The following TENT4A variants were observed in gnomAD, a reference collection of about 807,000 sequenced individuals.
TENT4A encodes the protein terminal nucleotidyltransferase 4A, also known as DNA polymerase kappa.
TENT4A carries 7 observed loss-of-function variants against 72.8 expected under a neutral mutation model. That is an observed-to-expected ratio of 0.10 (90% CI 0.05 to 0.18). The LOEUF is 0.18. Among genes scored for constraint, TENT4A ranks in the 10% least tolerant of loss-of-function variants. TENT4A has a pLI of 1.00. For missense variants in TENT4A, 831 were observed against 1,017.7 expected, an observed-to-expected ratio of 0.82 and a Z score of 2.50; for synonymous variants, 456 against 434.3, an observed-to-expected ratio of 1.05 and a Z score of -0.62.
chr5:6,718,513 G>C (rs1740494195), intron 1 of TENT4A, among the ~76,000 whole-genome samples: 1 of 152,220 alleles, frequency 6.6e-6, no homozygotes, highest in African/African-American at 2.4e-5. Context: ...CTTAAAGGGT[G>C]GCGGTGGCAC....
rs1460859880 is a variant in TENT4A, at chr5:6,714,147, G to T, written c.164G>T (p.Gly55Val). Residue 55 changes from glycine to valine, a missense_variant, in exon 1 of 13, where the codon GGG becomes GTG. Gly to Val is a moderately radical substitution (Grantham distance 109). This residue lies in a region of TENT4A where 302 missense variants were observed against 293.8 expected (regional missense o/e 1.03). Coordinates refer to ENST00000230859, the MANE Select transcript of TENT4A (RefSeq NM_006999.6). Reference sequence around the variant, plus strand: ...GCGCTGGACACGGCGGCCGCGGCGGGGGCGGCCGGGCGGGGCAGTGGCGGC... The same window carrying T: ...GCGCTGGACACGGCGGCCGCGGCGGTGGCGGCCGGGCGGGGCAGTGGCGGC... ...SPALDTAAAA[G>V]AAGRGSGGLG... 6.4e-5 allele frequency: 62 copies of T among 976,094 alleles called. No individual in the cohort carries two copies. Among genetic ancestry groups the T allele is most frequent in the Non-Finnish European group, 7.0e-5 (58 of 826,182 alleles). The allele number at this position is 976,094 out of a possible 1,614,324, so 60.5% of individuals were successfully genotyped here.
At chr5:6,721,842 C>T (rs1035405990) in intron 1 of TENT4A, among the ~76,000 whole-genome samples, 1 of 152,184 alleles carries the variant, frequency 6.6e-6, no homozygotes, top group African/African-American at 2.4e-5. Flanking sequence ...ACCAGTTAGG[C>T]TCTCCTGTGG....
chr5:6,729,748 G>C (rs1429494469), intron 1 of TENT4A, among the ~76,000 whole-genome samples: 1 of 152,222 alleles, frequency 6.6e-6, no homozygotes, highest in Non-Finnish European at 1.5e-5. Context: ...AGTATTAGGA[G>C]ACTGAACCCC....
chr5:6,730,690 A>G (rs1375573629), intron 1 of TENT4A, among the ~76,000 whole-genome samples: 2 of 151,164 alleles, frequency 1.3e-5, no homozygotes, highest in Non-Finnish European at 2.9e-5. Context: ...GCTGACTGGC[A>G]GCCCTAGAAA....
At position 6,750,958 on chromosome 5, in the gene TENT4A, G is replaced by A. The variant is rs191109862; in HGVS notation, c.1861-81G>A. Reference sequence around the variant, plus strand: ...TTTCATAGCCAGCCTGGATGCAGGCGTTTCTTTTCATAGCTTTAAGGAAGT... The same window carrying A: ...TTTCATAGCCAGCCTGGATGCAGGCATTTCTTTTCATAGCTTTAAGGAAGT... On this transcript the variant is annotated intron_variant, in intron 10 of 12. Transcript: ENST00000230859. 4.2e-3 allele frequency: 6,151 copies of A among 1,479,016 alleles called. 17 individuals are homozygous for A. Among genetic ancestry groups the A allele is most frequent in the Non-Finnish European group, 5.2e-3 (5,565 of 1,072,848 alleles). 91.6% of individuals were successfully genotyped at this position (1,479,016 alleles called of 1,614,324 possible). A position where few individuals can be genotyped will look rare whatever the true frequency, so the allele number is the denominator to read the frequency against.
intron 12 of TENT4A, 63 bp from the exon 13 acceptor site, chr5:6,754,688 C>A: frequency 7.3e-7 from 1 of 1,367,502 alleles, no homozygotes; most frequent in South Asian, 1.5e-5. Flanking sequence ...TGGTCACTGC[C>A]CGAGGACGTG....
chr5:6,737,801 C>T (rs1030923768), intron 2 of TENT4A, among the ~76,000 whole-genome samples, 168 bp downstream of exon 2: 134 of 152,344 alleles, frequency 8.8e-4, no homozygotes, highest in African/African-American at 3.1e-3. Context: ...GAATGCATGG[C>T]CCCCGGCGCA....
At chr5:6,715,024 CCCCTTGTCAA>C (rs1354107034) in intron 1 of TENT4A, 1 of 176,706 alleles carries the variant, frequency 5.7e-6, no homozygotes, top group Non-Finnish European at 1.2e-5. Context: ...AAGTGAGGAA[CCCCTTGTCAA>C]AGTGGGGCGT....
intron 1 of TENT4A, among the ~76,000 whole-genome samples, chr5:6,718,869 C>G (rs1258947390): frequency 1.6e-4 from 24 of 151,898 alleles, no homozygotes; most frequent in Admixed American, 1.6e-3. Context: ...ACAGCTGACA[C>G]TTGGAGAAGG....
At chr5:6,731,797 AC>A (rs1185578142) in intron 1 of TENT4A, among the ~76,000 whole-genome samples, 2 of 152,112 alleles carry the variant, frequency 1.3e-5, no homozygotes, top group Non-Finnish European at 2.9e-5. Flanking sequence ...CTGACCTTTG[AC>A]CATCACTTTG....
chr5:6,745,951 G>A, intron 6 of TENT4A: 1 of 1,154,296 alleles, frequency 8.7e-7, no homozygotes, highest in Non-Finnish European at 1.1e-6. Context: ...TCAGATATCT[G>A]TGTTTGCAGG....
intron 7 of TENT4A, among the ~76,000 whole-genome samples, chr5:6,746,679 T>A (rs1164843133): frequency 1.3e-5 from 2 of 152,250 alleles, no homozygotes; most frequent in Non-Finnish European, 2.9e-5. Flanking sequence ...TTTTTCTGAT[T>A]ATTGAAGTAT....
chr5:6,716,860 G>T (rs1020858429), intron 1 of TENT4A, among the ~76,000 whole-genome samples: 2 of 152,220 alleles, frequency 1.3e-5, no homozygotes, highest in Non-Finnish European at 2.9e-5. Context: ...CTTTGCTGGA[G>T]ACCTCTCCTT....
chr5:6,735,512 T>A (rs1741434356), intron 1 of TENT4A, among the ~76,000 whole-genome samples: 1 of 152,184 alleles, frequency 6.6e-6, no homozygotes. Context: ...ACGTGACATA[T>A]CTAGTCCTGC....
Position 6,746,436 on chromosome 5 carries a change from G to T in TENT4A, c.1459+9G>T. On this transcript the variant is annotated intron_variant, in intron 7 of 12. Transcript: ENST00000230859. ...GGACCCCCTGCTGCCAGGTAAGGGC[G>T]CCCTGATCTCCACTGCTGAGAGCTG... is the stretch of plus-strand genomic sequence containing the variant. 4 of 1,613,492 alleles carry T rather than the reference G, an allele frequency of 2.5e-6. No individual in the cohort carries two copies. The South Asian group carries it at 4.4e-5, about 18-fold the overall frequency.
chr5:6,753,233 A>G (rs1579504399), intron 12 of TENT4A, among the ~76,000 whole-genome samples, 196 bp downstream of exon 12: 1 of 152,250 alleles, frequency 6.6e-6, no homozygotes, highest in Non-Finnish European at 1.5e-5. Context: ...TGTAATATAT[A>G]GTTTAATTGG....
At position 6,713,943 on chromosome 5, in the gene TENT4A, G is replaced by GGGGC. The variant is rs1323471275; in HGVS notation, c.-31_-28dup. On this transcript the variant is annotated 5_prime_UTR_variant, in exon 1 of 13. Coordinates refer to ENST00000230859, the MANE Select transcript of TENT4A (RefSeq NM_006999.6). ...GGCGCGGCGGGGGCGGGGCCGCGTC[G>GGGGC]GGGCGGGCGGGCGCGCGGGCCCCGC... 2.0e-4 allele frequency: 175 copies of GGGGC among 878,240 alleles called. No individual in the cohort carries two copies. Among genetic ancestry groups the GGGGC allele is most frequent in the Middle Eastern group, 1.2e-3 (2 of 1,694 alleles). 54.4% of individuals were successfully genotyped at this position (878,240 alleles called of 1,614,324 possible).
chr5:6,728,436 C>T (rs1000345524), intron 1 of TENT4A, among the ~76,000 whole-genome samples: 1 of 152,140 alleles, frequency 6.6e-6, no homozygotes, highest in Non-Finnish European at 1.5e-5. Context: ...GGTTGGGGCA[C>T]TTGGGAGAAC....
At chr5:6,715,764 G>T (rs1257799447) in intron 1 of TENT4A, among the ~76,000 whole-genome samples, 1 of 152,152 alleles carries the variant, frequency 6.6e-6, no homozygotes, top group African/African-American at 2.4e-5. Flanking sequence ...TCTTTAAAGC[G>T]TGTGATACAC....
Sources: gnomAD v4.1 joint callset for allele counts (sites outside exome capture counted in the v4.1 genomes callset) on GRCh38, gnomAD v4.1.1 for gene constraint, gnomAD v4.1.1 regional missense constraint, MANE v1.5 for transcripts, NCBI Gene and HGNC (gene_info 2026-07-23, HGNC 2026-07-21) for gene names.